The following ZNF18 variants were observed in gnomAD, a reference collection of about 807,000 sequenced individuals.
ZNF18 encodes the protein zinc finger protein 18, also known as heart development-specific gene 1 protein.
In ZNF18, 42 loss-of-function variants were observed where a neutral mutation model predicts 58.1. That is an observed-to-expected ratio of 0.72 (90% CI 0.56 to 0.93). ZNF18 has a LOEUF of 0.93. Among genes scored for constraint, ZNF18 ranks in the 40% least tolerant of loss-of-function variants. The pLI is 0.00. For missense variants in ZNF18, 540 were observed against 644.2 expected (o/e 0.84, Z 1.75); for synonymous variants, 231 against 239.8 (o/e 0.96, Z 0.34).
At chr17:11,988,281 A>G (rs76515476) in intron 4 of ZNF18, among the ~76,000 whole-genome samples, 1,553 of 152,310 alleles carry the variant, frequency 0.01, 29 homozygotes, top group African/African-American at 0.036. Context: ...GATCCCTGAA[A>G]GTGGGAAAGC....
chr17:11,994,775 A>G lies in ZNF18; in HGVS notation c.-82-1864T>C, dbSNP rs558549270. 3.4e-4 allele frequency among the ~76,000 whole-genome samples: 51 copies of G among 152,162 alleles called. No individual in the cohort carries two copies. The East Asian group carries it at 9.7e-3, about 29-fold the overall frequency. On this transcript the variant is annotated intron_variant, in intron 1 of 6. Coordinates refer to ENST00000580306, the MANE Select transcript of ZNF18 (RefSeq NM_001303281.2). ...AGAATGGCATGAACCTGGGAGGCAG[A>G]GCTTGCAGTGAGCTGAGATCGTGCC...
the ZNF18 span, chr17:12,020,876 C>A: frequency 3.6e-6 from 4 of 1,096,000 alleles, no homozygotes; most frequent in South Asian, 4.5e-5. Flanking sequence ...CTCGGCTCTT[C>A]ACTCCCAACA....
chr17:11,981,642 AAAAC>A (rs1266128476), intron 6 of ZNF18, among the ~76,000 whole-genome samples: 14 of 151,976 alleles, frequency 9.2e-5, no homozygotes, highest in East Asian at 3.9e-4. Flanking sequence ...GGATGAAGGA[AAAAC>A]AAACAAACAA....
chr17:11,983,302 C>G lies in ZNF18; in HGVS notation c.857G>C (p.Cys286Ser), dbSNP rs1380328833. The G allele has an allele frequency of 6.2e-7, 1 of 1,601,472 alleles. No individual in the cohort carries two copies. ...ACCAATGAAAGATTACTCACCTATG[C>G]AGGTGGGTCTTGGGATCTTCTCATT... ...HVNEKIPRPT[C>S]IGDRQENDKE... The change falls in exon 6 of 7, where the codon TGC becomes TCC. Residue 286 changes from cysteine (C) to serine (S), a missense_variant. Transcript: ENST00000580306.
At chr17:12,004,600 G>T in the ZNF18 span, among the ~76,000 whole-genome samples, 3 of 151,976 alleles carry the variant, frequency 2.0e-5, no homozygotes, top group Admixed American at 6.6e-5. Context: ...AGAAATGTGC[G>T]TTTATGGCCG....
At chr17:12,004,841 C>G in the ZNF18 span, among the ~76,000 whole-genome samples, 2 of 140,190 alleles carry the variant, frequency 1.4e-5, no homozygotes, top group African/African-American at 5.4e-5. Context: ...GAGCCAAGAT[C>G]ATGCCATTGC....
chr17:12,001,452 AC>A (rs1329956237), upstream of ZNF18, among the ~76,000 whole-genome samples: 1 of 152,102 alleles, frequency 6.6e-6, no homozygotes, highest in Non-Finnish European at 1.5e-5. Flanking sequence ...ACATGGTGAA[AC>A]CCCATCTCTA....
chr17:12,002,618 A>G, the ZNF18 span, among the ~76,000 whole-genome samples: 16 of 152,016 alleles, frequency 1.1e-4, no homozygotes, highest in African/African-American at 3.6e-4. Flanking sequence ...CAGATCCCAT[A>G]CTCTGCCCTC....
intron 2 of ZNF18, 125 bp downstream of exon 2, chr17:11,992,318 G>A: frequency 4.0e-6 from 5 of 1,237,952 alleles, no homozygotes; most frequent in Non-Finnish European, 5.5e-6. Flanking sequence ...CACAGAATTG[G>A]CCATTGGTGT....
chr17:11,993,002 G>T, intron 1 of ZNF18, 91 bp from the exon 2 acceptor site: 1 of 725,768 alleles, frequency 1.4e-6, no homozygotes, highest in Non-Finnish European at 2.2e-6. Context: ...AGAAGCCATG[G>T]GGTCAACTAT....
chr17:12,000,526 T>C (rs922626344), upstream of ZNF18, among the ~76,000 whole-genome samples: 4 of 152,122 alleles, frequency 2.6e-5, no homozygotes, highest in African/African-American at 9.7e-5. Context: ...CTAACCAACA[T>C]GGAGAAAACC....
At chr17:12,010,019 G>A in the ZNF18 span, among the ~76,000 whole-genome samples, 1 of 152,118 alleles carries the variant, frequency 6.6e-6, no homozygotes, top group East Asian at 1.9e-4. Flanking sequence ...CATGTGGCTT[G>A]GATATAACAG....
chr17:12,017,652 C>T, the ZNF18 span, among the ~76,000 whole-genome samples: 1 of 151,916 alleles, frequency 6.6e-6, no homozygotes, highest in South Asian at 2.1e-4. Context: ...CTGAGGCAGG[C>T]AGATCACCTA....
At position 11,984,164 on chromosome 17, in the gene ZNF18, C is replaced by T; in HGVS notation, c.700G>A (p.Glu234Lys). 1 of 1,612,686 alleles carries T rather than the reference C, an allele frequency of 6.2e-7. No individual in the cohort carries two copies. Reference protein sequence around the residue: ...QWRQLDSTQKEQYWDLMLETY... With the variant: ...QWRQLDSTQKKQYWDLMLETY... ...TCCAGCATGAGATCCCAGTATTGCT[C>T]CTTTTGAGTGGAATCCAGTTGTCTC... Residue 234 changes from glutamate (E) to lysine (K), a missense_variant, in exon 5 of 7, where the codon GAG (glutamate) becomes AAG (lysine). Transcript: ENST00000580306.
At chr17:12,019,921 C>A in the ZNF18 span, among the ~76,000 whole-genome samples, 21 of 152,294 alleles carry the variant, frequency 1.4e-4, no homozygotes, top group Admixed American at 9.8e-4. Flanking sequence ...GGCTGCCTGG[C>A]CAGAAACCCA....
intron 1 of ZNF18, 57 bp from the exon 2 acceptor site, chr17:11,992,968 G>C: frequency 1.9e-6 from 2 of 1,067,594 alleles, no homozygotes; most frequent in Non-Finnish European, 2.6e-6. Flanking sequence ...TTTTCAGAAA[G>C]AACAAATTCA....
At chr17:11,979,918 A>G (rs1472293538) in intron 6 of ZNF18, among the ~76,000 whole-genome samples, 1 of 152,256 alleles carries the variant, frequency 6.6e-6, no homozygotes, top group Non-Finnish European at 1.5e-5. Flanking sequence ...AGATGTCATA[A>G]TAAACATATA....
chr17:12,011,857 C>T, the ZNF18 span, among the ~76,000 whole-genome samples: 4 of 151,784 alleles, frequency 2.6e-5, no homozygotes, highest in Non-Finnish European at 5.9e-5. Flanking sequence ...TGCACCACCA[C>T]ATCCAGCTAA....
At chr17:12,020,926 GGCGGCA>G in the ZNF18 span, 50 of 1,217,864 alleles carry the variant, frequency 4.1e-5, no homozygotes, top group Admixed American at 1.7e-4. Flanking sequence ...CGGCTCCGGG[GGCGGCA>G]GCGGCAGCGG....
Sources: allele counts gnomAD v4.1 joint callset (sites outside exome capture counted in the v4.1 genomes callset), GRCh38; gene constraint gnomAD v4.1.1; transcripts MANE v1.5; gene names NCBI Gene and HGNC (gene_info 2026-07-23, HGNC 2026-07-21).